Variants in EIF3G observed in about 807,000 individuals in gnomAD.
The protein encoded by EIF3G is eukaryotic translation initiation factor 3 subunit G.
Under a neutral mutation model 41.7 loss-of-function variants are expected in EIF3G, and 10 were observed. That is an observed-to-expected ratio of 0.24 (90% CI 0.15 to 0.41). The LOEUF (loss-of-function observed/expected upper bound fraction) is 0.41. EIF3G is among the 10% of genes least tolerant of loss of function. EIF3G has a pLI of 1.00. For missense variants in EIF3G, 297 were observed against 444.0 expected (o/e 0.67, Z 2.98); for synonymous variants, 204 against 172.5 (o/e 1.18, Z -1.43).
At chr19:10,119,481 G>A (rs752716892) in intron 2 of EIF3G, 173 bp downstream of exon 2, 1 of 864,574 alleles carries the variant, frequency 1.2e-6, no homozygotes, top group Non-Finnish European at 1.9e-6. Flanking sequence ...GGGAGGAAGA[G>A]GGACCCGCCG....
intron 5 of EIF3G, 23 bp from the exon 6 acceptor site, chr19:10,117,211 G>A (rs1230447094): frequency 7.0e-7 from 1 of 1,435,344 alleles, no homozygotes. Flanking sequence ...AGGGATGGGG[G>A]ACAGTTGAGG....
At chr19:10,118,581 A>T (rs79999030) in intron 5 of EIF3G, 87 bp downstream of exon 5, 13 of 1,356,550 alleles carry the variant, frequency 9.6e-6, no homozygotes, top group Non-Finnish European at 1.1e-5. Context: ...AAAAAAAAAA[A>T]AGAGTTAAGC....
rs1402513396 is a variant in EIF3G at position 10,115,839 on chromosome 19, G to C, written c.704-19C>G. ...TCGTCGGCTGTGTGGGAGAGGGGAG[G>C]TGGCTGTGAGGGGGAGGACACTGCC... On this transcript the variant is annotated intron_variant, in intron 8 of 10. Transcript: ENST00000253108. 1 of 1,609,696 alleles carries C rather than the reference G, an allele frequency of 6.2e-7. No homozygotes were observed. Among genetic ancestry groups the C allele is most frequent in the African/African-American group, 1.3e-5 (1 of 75,022 alleles).
rs895723640 is a variant in EIF3G at position 10,115,664 on chromosome 19, G to A, written c.840+20C>T. ...CAAGTGACCCTCACACAGCCCCACC[G>A]TGCCTGCCTGCCTGCCCACCTTGGA... On this transcript the variant is annotated intron_variant, in intron 9 of 10. Coordinates refer to ENST00000253108, the MANE Select transcript of EIF3G (RefSeq NM_003755.5). 6 of 1,612,338 alleles carry A rather than the reference G, an allele frequency of 3.7e-6. No individual in the cohort carries two copies. The highest frequency in any genetic ancestry group is 1.7e-5 in the Admixed American group (1 of 59,960).
chr19:10,115,414 C>A, intron 10 of EIF3G, 65 bp downstream of exon 10: 1 of 1,528,826 alleles, frequency 6.5e-7, no homozygotes. Context: ...TTGGTTGGCC[C>A]AACACTCCGT....
chr19:10,119,607 C>G, intron 2 of EIF3G, 47 bp downstream of exon 2: 2 of 1,548,960 alleles, frequency 1.3e-6, no homozygotes, highest in Non-Finnish European at 1.7e-6. Flanking sequence ...GGCAGTCACA[C>G]GGCTTGGGCC....
rs372463482 is a variant in EIF3G, at chr19:10,116,783, C to T, written c.595+17G>A. ...CAGAACCCGTGCACTGACAGCAGGA[C>T]CCTCCCACCCCCACACCTCCCGGCA... is the stretch of plus-strand genomic sequence containing the variant. On this transcript the variant is annotated intron_variant, in intron 7 of 10. Coordinates refer to ENST00000253108, the MANE Select transcript of EIF3G (RefSeq NM_003755.5). The surrounding 1 kb of genome is among the most constrained non-coding windows in gnomAD (Gnocchi z 4.1). 3.4e-5 allele frequency: 53 copies of T among 1,556,116 alleles called. No individual in the cohort carries two copies. Among genetic ancestry groups the T allele is most frequent in the Non-Finnish European group, 4.3e-5 (50 of 1,149,848 alleles).
rs200432266 is a variant in EIF3G, at chr19:10,115,084, T to C, written c.*30A>G. The C allele has an allele frequency of 6.8e-6, 11 of 1,613,604 alleles. No individual in the cohort carries two copies. In the African/African-American group the frequency reaches 1.5e-4, roughly 22 times the overall value. On this transcript the variant is annotated 3_prime_UTR_variant, in exon 11 of 11. Transcript: ENST00000253108. ...GGAGGCTGTCTTCTGTCGCCAAGGG[T>C]CCCGGACCGAGTACACAGTGGCAGC... is the stretch of plus-strand genomic sequence containing the variant.
chr19:10,118,592 CCCA>C lies in EIF3G; in HGVS notation c.300+73_300+75del, dbSNP rs1568496384. 2.1e-6 allele frequency: 3 copies of C among 1,454,840 alleles called. No individual in the cohort carries two copies. In the Admixed American group the frequency reaches 5.3e-5, roughly 26 times the overall value. The allele number at this position is 1,454,840 out of a possible 1,614,324, so 90.1% of individuals were successfully genotyped here. A position where few individuals can be genotyped will look rare whatever the true frequency, so the allele number is the denominator to read the frequency against. Reference sequence around the variant, plus strand: ...AAAAAAAAAAAAAAAAGAGTTAAGCCCCATCTCTAAACACAAAGTCCGGGAGCA... The same window carrying C: ...AAAAAAAAAAAAAAAAGAGTTAAGCCTCTCTAAACACAAAGTCCGGGAGCA... On this transcript the variant is annotated intron_variant, in intron 5 of 10. Coordinates refer to ENST00000253108, the MANE Select transcript of EIF3G (RefSeq NM_003755.5).
intron 10 of EIF3G, 113 bp from the exon 11 acceptor site, chr19:10,115,242 A>G: frequency 1.4e-6 from 2 of 1,398,156 alleles, no homozygotes; most frequent in South Asian, 1.3e-5. Flanking sequence ...TGTGAGGACG[A>G]AGCGGGCACG....
In EIF3G at chr19:10,115,798, A is replaced by G. The variant is rs1421149199; in HGVS notation, c.726T>C (p.Arg242=). The part of the protein sequence containing the change: ...NRRADDNATI[R]VTNLSEDTRE... ...GCGTGTCCTCTGACAAGTTGGTGAC[A>G]CGGATGGTGGCGTTGTCGTCGGCTG... Residue 242 remains arginine, a synonymous_variant, in exon 9 of 11, where the codon CGT becomes CGC. Coordinates refer to ENST00000253108, the MANE Select transcript of EIF3G (RefSeq NM_003755.5). 4 of 1,613,678 alleles carry G rather than the reference A, an allele frequency of 2.5e-6. No homozygotes were observed. Among genetic ancestry groups the G allele is most frequent in the Middle Eastern group, 1.6e-4 (1 of 6,062 alleles).
In EIF3G at chr19:10,116,426, C is replaced by G. The variant is rs2089251298; in HGVS notation, c.596-352G>C. ...CGCGTGGCAGGCGACAAGTGCACGTCTGCACTCTCACACTCGCCACCAGCA... is the reference window on the plus strand; with the variant it reads ...CGCGTGGCAGGCGACAAGTGCACGTGTGCACTCTCACACTCGCCACCAGCA... On this transcript the variant is annotated intron_variant, in intron 7 of 10. Transcript: ENST00000253108. This position sits in a 1 kb window ranked among gnomAD's most constrained non-coding sequence, Gnocchi z 4.1. 1 of 493,640 alleles carries G rather than the reference C, an allele frequency of 2.0e-6. No individual in the cohort carries two copies. Among genetic ancestry groups the G allele is most frequent in the African/African-American group, 1.9e-5 (1 of 51,808 alleles). The allele number at this position is 493,640 out of a possible 1,614,324, so 30.6% of individuals were successfully genotyped here.
rs1309821632 is a variant in EIF3G at position 10,116,692 on chromosome 19, G to A, written c.595+108C>T. 6 of 1,187,800 alleles carry A rather than the reference G, an allele frequency of 5.1e-6. No homozygotes were observed. The highest frequency in any genetic ancestry group is 5.9e-6 in the Non-Finnish European group (5 of 853,524). The allele number at this position is 1,187,800 out of a possible 1,614,324, so 73.6% of individuals were successfully genotyped here. ...GGAAGGCACAGACGCCCCGAGGAGA[G>A]TCTGGCACCATCAAACCCGCTGCAC... On this transcript the variant is annotated intron_variant, in intron 7 of 10. Coordinates refer to ENST00000253108, the MANE Select transcript of EIF3G (RefSeq NM_003755.5). The surrounding 1 kb of genome is among the most constrained non-coding windows in gnomAD (Gnocchi z 4.1).
intron 10 of EIF3G, 42 bp from the exon 11 acceptor site, chr19:10,115,171 A>G: frequency 6.2e-7 from 1 of 1,608,586 alleles, no homozygotes; most frequent in South Asian, 1.1e-5. Flanking sequence ...TTCTGGGGGC[A>G]CCCCAAGACC....
chr19:10,116,765 C>A lies in EIF3G; in HGVS notation c.595+35G>T, dbSNP rs564068319. 12 of 1,536,310 alleles carry A rather than the reference C, an allele frequency of 7.8e-6. 2 individuals are homozygous for A. The South Asian group carries it at 1.5e-4, about 19-fold the overall frequency. On this transcript the variant is annotated intron_variant, in intron 7 of 10. Coordinates refer to ENST00000253108, the MANE Select transcript of EIF3G (RefSeq NM_003755.5). This position sits in a 1 kb window ranked among gnomAD's most constrained non-coding sequence, Gnocchi z 4.1. ...CGAAGGCAGCAGTGGGGACAGAACC[C>A]GTGCACTGACAGCAGGACCCTCCCA...
chr19:10,115,997 G>A lies in EIF3G; in HGVS notation c.673C>T (p.Arg225Cys), dbSNP rs1216493558. ...CGGTTGGGCTGCATGGACTCCCCGC[G>A]GCGGCTGGCCCCGTCGCGCAGGCTC... ...PPSLRDGASR[R>C]GESMQPNRRA... The change falls in exon 8 of 11, where the codon CGC becomes TGC. Residue 225 changes from arginine to cysteine, a missense_variant. Arg to Cys is a radical substitution (Grantham distance 180, BLOSUM62 -3). Transcript: ENST00000253108. The A allele has an allele frequency of 2.5e-6, 4 of 1,613,490 alleles. No homozygotes were observed. Among genetic ancestry groups the A allele is most frequent in the Non-Finnish European group, 3.4e-6 (4 of 1,179,822 alleles).
rs1026247345 is a variant in EIF3G, at chr19:10,116,374, C to T, written c.596-300G>A. 4 of 533,694 alleles carry T rather than the reference C, an allele frequency of 7.5e-6. No individual in the cohort carries two copies. The highest frequency in any genetic ancestry group is 1.3e-5 in the Non-Finnish European group (4 of 297,394). The allele number at this position is 533,694 out of a possible 1,614,324, so 33.1% of individuals were successfully genotyped here. A position where few individuals can be genotyped will look rare whatever the true frequency, so the allele number is the denominator to read the frequency against. On this transcript the variant is annotated intron_variant, in intron 7 of 10. Coordinates refer to ENST00000253108, the MANE Select transcript of EIF3G (RefSeq NM_003755.5). This position sits in a 1 kb window ranked among gnomAD's most constrained non-coding sequence, Gnocchi z 4.1. Reference sequence around the variant, plus strand: ...ACAGCAACGGCAGACATGGGACACACAACAGGAACAGCGCCCAGGTCCCCC... The same window carrying T: ...ACAGCAACGGCAGACATGGGACACATAACAGGAACAGCGCCCAGGTCCCCC...
rs146486140 is a variant in EIF3G, at chr19:10,115,700, G to A, written c.824C>T (p.Thr275Ile). 6.2e-6 allele frequency: 10 copies of A among 1,614,094 alleles called. No individual in the cohort carries two copies. The South Asian group carries it at 1.1e-4, about 18-fold the overall frequency. ...CCTGCCCACCTTGGATTGGCCAGTG[G>A]TCTTGTCCTTAGCCAGGTAGATGCG... is the stretch of plus-strand genomic sequence containing the variant. Reference protein sequence around the residue: ...ISRIYLAKDKTTGQSKGFAFI... With the variant: ...ISRIYLAKDKITGQSKGFAFI... Residue 275 changes from threonine to isoleucine, a missense_variant, in exon 9 of 11, where the codon ACC (threonine) becomes ATC (isoleucine). Physicochemically the swap from Thr to Ile is moderately conservative, Grantham distance 89. This residue lies in a region of EIF3G where 91 missense variants were observed against 170.5 expected (regional missense o/e 0.53). Coordinates refer to ENST00000253108, the MANE Select transcript of EIF3G (RefSeq NM_003755.5).
At chr19:10,119,335 G>C (rs1387707265) in intron 2 of EIF3G, 164 bp from the exon 3 acceptor site, 2 of 845,706 alleles carry the variant, frequency 2.4e-6, no homozygotes, top group Non-Finnish European at 3.9e-6. Flanking sequence ...GTGGGGACTC[G>C]GAGTGGCAAG....
Sources: gnomAD v4.1 joint callset for allele counts on GRCh38, gnomAD v4.1.1 for gene constraint, gnomAD v4.1.1 regional missense constraint, Gnocchi (gnomAD v3.1) non-coding constraint, MANE v1.5 for transcripts, NCBI Gene and HGNC (gene_info 2026-07-23, HGNC 2026-07-21) for gene names.